Variants in SPTLC3 observed in about 807,000 individuals in gnomAD.
SPTLC3 encodes serine palmitoyltransferase long chain base subunit 3, also known as serine palmitoyltransferase 3.
Under a neutral mutation model 59.3 loss-of-function variants are expected in SPTLC3, and 36 were observed. The observed-to-expected ratio is 0.61, with a 90% CI of 0.47 to 0.80. The LOEUF (loss-of-function observed/expected upper bound fraction) is 0.80. Ranked by LOEUF, SPTLC3 falls within the 30% of genes least tolerant of loss-of-function variation. SPTLC3 has a pLI of 0.00. For missense variants in SPTLC3, 625 were observed against 685.1 expected, an observed-to-expected ratio of 0.91 and a Z score of 0.98; for synonymous variants, 257 against 240.8, an observed-to-expected ratio of 1.07 and a Z score of -0.62.
At chr20:13,020,068 A>G (rs1194545249) in intron 1 of SPTLC3, among the ~76,000 whole-genome samples, 1 of 152,232 alleles carries the variant, frequency 6.6e-6, no homozygotes, top group Non-Finnish European at 1.5e-5. Flanking sequence ...TTCTGCACTT[A>G]CAATCCAACT....
intron 4 of SPTLC3, among the ~76,000 whole-genome samples, chr20:13,088,613 G>T (rs150947399): frequency 1.3e-5 from 2 of 149,704 alleles, no homozygotes; most frequent in Non-Finnish European, 1.5e-5. Flanking sequence ...TTGAGCCATC[G>T]TGCCTGGCCT....
intron 9 of SPTLC3, among the ~76,000 whole-genome samples, chr20:13,130,677 C>A (rs2038101262): frequency 1.3e-5 from 2 of 152,192 alleles, no homozygotes; most frequent in Admixed American, 1.3e-4. Context: ...GCACCAAGAC[C>A]CTTTTAATCT....
At chr20:13,030,923 T>C (rs1986412408) in intron 1 of SPTLC3, among the ~76,000 whole-genome samples, 1 of 152,178 alleles carries the variant, frequency 6.6e-6, no homozygotes, top group Admixed American at 6.5e-5. Flanking sequence ...CACAGCACTC[T>C]TAATTACTTA....
intron 2 of SPTLC3, among the ~76,000 whole-genome samples, chr20:13,067,752 A>G (rs1988279393): frequency 6.6e-6 from 1 of 152,162 alleles, no homozygotes; most frequent in African/African-American, 2.4e-5. Context: ...TATCAACCAA[A>G]AGGAAAATAT....
chr20:13,091,226 A>C lies in SPTLC3; in HGVS notation c.732+19A>C. The C allele has an allele frequency of 1.2e-6, 2 of 1,611,192 alleles. No homozygotes were observed. Among genetic ancestry groups the C allele is most frequent in the Non-Finnish European group, 1.7e-6 (2 of 1,178,108 alleles). On this transcript the variant is annotated intron_variant, in intron 5 of 11. Transcript: ENST00000399002. ...TGGAAAGGTGAGAATTGTTAACCTA[A>C]TTGTCTTCTACTGTATTACTCCTAA...
At chr20:13,074,148 C>G in intron 3 of SPTLC3, 2 of 753,512 alleles carry the variant, frequency 2.7e-6, no homozygotes, top group East Asian at 2.6e-5. Flanking sequence ...GGGTCTGGAT[C>G]CTCCGAGGGA....
At chr20:13,077,339 T>C (rs1988683945) in intron 4 of SPTLC3, among the ~76,000 whole-genome samples, 1 of 151,492 alleles carries the variant, frequency 6.6e-6, no homozygotes, top group Non-Finnish European at 1.5e-5. Context: ...ATAAATGATA[T>C]AGAAGACATT....
At chr20:13,147,379 T>A (rs2038539233) in intron 9 of SPTLC3, among the ~76,000 whole-genome samples, 1 of 152,152 alleles carries the variant, frequency 6.6e-6, no homozygotes, top group African/African-American at 2.4e-5. Flanking sequence ...AGCCTCTTGA[T>A]CTTTACCGAG....
Position 13,167,119 on chromosome 20 carries a change from C to T in SPTLC3, c.*2252C>T, listed in dbSNP as rs893223375. 17 of 152,090 alleles carry T rather than the reference C, an allele frequency of 1.1e-4. No homozygotes were observed. Among genetic ancestry groups the T allele is most frequent in the Admixed American group, 1.0e-3 (16 of 15,258 alleles). 9.4% of individuals were successfully genotyped at this position (152,090 alleles called of 1,614,324 possible). On this transcript the variant is annotated 3_prime_UTR_variant, in exon 12 of 12. Coordinates refer to ENST00000399002, the MANE Select transcript of SPTLC3 (RefSeq NM_018327.4). ...CACAGTGCATTAGAAGGTGCCCAAG[C>T]TCCACAGGGCCAATAATATTAGAGT... is the stretch of plus-strand genomic sequence containing the variant.
intron 2 of SPTLC3, among the ~76,000 whole-genome samples, chr20:13,056,008 T>G (rs892955988): frequency 2.6e-5 from 4 of 152,012 alleles, no homozygotes; most frequent in Admixed American, 2.6e-4. Flanking sequence ...TGGAGGAAGA[T>G]CCCTTCAGAC....
chr20:13,127,199 C>A (rs2038014997), intron 9 of SPTLC3, among the ~76,000 whole-genome samples: 1 of 152,230 alleles, frequency 6.6e-6, no homozygotes, highest in African/African-American at 2.4e-5. Flanking sequence ...CCAGCCATTT[C>A]TTTGTCAGTG....
intron 9 of SPTLC3, among the ~76,000 whole-genome samples, chr20:13,141,651 C>A (rs1208193929): frequency 6.6e-6 from 1 of 152,214 alleles, no homozygotes; most frequent in East Asian, 1.9e-4. Flanking sequence ...GAGCTAGCTT[C>A]TGATTTCTAA....
chr20:13,130,888 C>A (rs1449505491), intron 9 of SPTLC3, among the ~76,000 whole-genome samples: 1 of 152,186 alleles, frequency 6.6e-6, no homozygotes, highest in Non-Finnish European at 1.5e-5. Flanking sequence ...GACTCAACTT[C>A]CCTCTTGCCA....
Position 13,014,970 on chromosome 20 carries a change from G to A in SPTLC3, c.117+5586G>A, listed in dbSNP as rs143456480. On this transcript the variant is annotated intron_variant, in intron 1 of 11. Transcript: ENST00000399002. ...CCAGAATGGAAGAAGGTCTGGATGCGCCAAGAGTGTCTTTTATAACCATTT... is the reference window on the plus strand; with the variant it reads ...CCAGAATGGAAGAAGGTCTGGATGCACCAAGAGTGTCTTTTATAACCATTT... 3.7e-4 allele frequency among the ~76,000 whole-genome samples: 57 copies of A among 152,196 alleles called. No homozygotes were observed. The East Asian group carries it at 9.7e-3, about 26-fold the overall frequency.
Position 13,126,576 on chromosome 20 carries a change from C to T in SPTLC3, c.1153-15C>T, listed in dbSNP as rs760393513. ...TTTATTTGCCTTCTTTTTGGGTTTC[C>T]CCTCTTTATTTAAGGACCTCGTGGA... On this transcript the variant is annotated splice_polypyrimidine_tract_variant and intron_variant, in intron 8 of 11. Transcript: ENST00000399002. 8.1e-6 allele frequency: 13 copies of T among 1,612,402 alleles called. No individual in the cohort carries two copies. The highest frequency in any genetic ancestry group is 2.2e-5 in the East Asian group (1 of 44,838).
chr20:13,037,098 A>G (rs1183863321), intron 1 of SPTLC3, among the ~76,000 whole-genome samples: 1 of 152,168 alleles, frequency 6.6e-6, no homozygotes, highest in African/African-American at 2.4e-5. Context: ...TAATTCCAGA[A>G]ATCCCAATCA....
rs752285773 is a variant in SPTLC3, at chr20:13,110,212, C to G, written c.927C>G (p.Val309=). The change falls in exon 7 of 12, where the codon GTC becomes GTG. Residue 309 remains valine (V), a synonymous_variant. Transcript: ENST00000399002. ...AGATTCTCATCCTGGTGGAGGGTGT[C>G]TACAGGTATGTAAATAACAGGACAC... The part of the protein sequence containing the change: ...WKKILILVEG[V]YSMEGSIVHL... 1 of 1,613,188 alleles carries G rather than the reference C, an allele frequency of 6.2e-7. No homozygotes were observed. The highest frequency in any genetic ancestry group is 8.5e-7 in the Non-Finnish European group (1 of 1,179,588).
intron 10 of SPTLC3, among the ~76,000 whole-genome samples, chr20:13,156,656 T>G (rs2038775063): frequency 6.6e-6 from 1 of 152,232 alleles, no homozygotes; most frequent in African/African-American, 2.4e-5. Context: ...CAGTGTTAGC[T>G]TTCATTATTA....
Position 13,136,618 on chromosome 20 carries a change from T to TATAA in SPTLC3, c.1279+9902_1279+9903insTAAA, listed in dbSNP as rs1555798325. Among the ~76,000 whole-genome samples the TATAA allele has an allele frequency of 6.2e-5, 9 of 146,166 alleles. No individual in the cohort carries two copies. In the East Asian group the frequency reaches 8.0e-4, roughly 13 times the overall value. ...TCATCTAAAAACATATATATATATA[T>TATAA]AATATACATATAAAAATTATATACA... is the stretch of plus-strand genomic sequence containing the variant. On this transcript the variant is annotated intron_variant, in intron 9 of 11. Coordinates refer to ENST00000399002, the MANE Select transcript of SPTLC3 (RefSeq NM_018327.4).
Sources: allele counts gnomAD v4.1 joint callset (sites outside exome capture counted in the v4.1 genomes callset), GRCh38; gene constraint gnomAD v4.1.1; transcripts MANE v1.5; gene names NCBI Gene and HGNC (gene_info 2026-07-23, HGNC 2026-07-21).